The following MBOAT2 variants were observed in gnomAD, a reference collection of about 807,000 sequenced individuals.
The protein encoded by MBOAT2 is membrane bound glycerophospholipid O-acyltransferase 2.
A neutral mutation model predicts 63.4 loss-of-function variants in MBOAT2; 28 were observed. That is an observed-to-expected ratio of 0.44 (90% confidence interval 0.33 to 0.61). MBOAT2 has a LOEUF of 0.61. Among genes scored for constraint, MBOAT2 ranks in the 20% least tolerant of loss-of-function variants. The pLI is 0.03. For synonymous variants in MBOAT2, 211 were observed against 215.6 expected (o/e 0.98, Z 0.19); for missense variants, 470 against 605.8 (o/e 0.78, Z 2.35).
intron 1 of MBOAT2, among the ~76,000 whole-genome samples, chr2:8,981,234 T>C (rs1361972369): frequency 6.6e-6 from 1 of 152,112 alleles, no homozygotes; most frequent in African/African-American, 2.4e-5. Context: ...GTAATGAAAA[T>C]GTTCCAGGTT....
chr2:8,991,935 A>G (rs1454012700), intron 1 of MBOAT2, among the ~76,000 whole-genome samples: 1 of 152,072 alleles, frequency 6.6e-6, no homozygotes, highest in Non-Finnish European at 1.5e-5. Context: ...TGCTGTCCAC[A>G]CCTCAGAAAA....
chr2:8,959,732 G>A (rs925336232), intron 1 of MBOAT2, among the ~76,000 whole-genome samples: 1 of 151,960 alleles, frequency 6.6e-6, no homozygotes, highest in Non-Finnish European at 1.5e-5. Context: ...CAAAGTGCTG[G>A]GATAATAGGC....
rs974382644 is a variant in MBOAT2, at chr2:8,978,273, C to T, written c.76-19631G>A. ...AAGCTGACACTTCCCCACCTCCACA[C>T]ATGGAATGCACACAGATGTTTCACC... is the stretch of plus-strand genomic sequence containing the variant. On this transcript the variant is annotated intron_variant, in intron 1 of 12. Transcript: ENST00000305997. Among the ~76,000 whole-genome samples, 6 of 152,102 alleles carry T rather than the reference C, an allele frequency of 3.9e-5. No homozygotes were observed. The East Asian group carries it at 1.2e-3, about 29-fold the overall frequency.
At chr2:8,920,160 G>A (rs1244219366) in intron 3 of MBOAT2, among the ~76,000 whole-genome samples, 1 of 152,108 alleles carries the variant, frequency 6.6e-6, no homozygotes, top group African/African-American at 2.4e-5. Context: ...GTTGTCTTCT[G>A]AAGTTTTATA....
intron 1 of MBOAT2, among the ~76,000 whole-genome samples, chr2:8,995,707 C>CA (rs1672241407): frequency 2.0e-5 from 3 of 151,458 alleles, no homozygotes; most frequent in Admixed American, 6.6e-5. Flanking sequence ...TCTCCTGCCT[C>CA]AGCCTCCCAA....
At chr2:8,966,379 G>T (rs541044031) in intron 1 of MBOAT2, among the ~76,000 whole-genome samples, 2 of 152,102 alleles carry the variant, frequency 1.3e-5, no homozygotes, top group Admixed American at 6.5e-5. Flanking sequence ...AGTTTCAAGC[G>T]CCCTGTGCTG....
chr2:8,892,133 C>T (rs533131438), intron 4 of MBOAT2, among the ~76,000 whole-genome samples: 1 of 152,260 alleles, frequency 6.6e-6, no homozygotes, highest in East Asian at 1.9e-4. Flanking sequence ...ATAATGAATG[C>T]TAAAAATGAA....
chr2:8,989,944 G>A (rs988495591), intron 1 of MBOAT2, among the ~76,000 whole-genome samples: 11 of 152,170 alleles, frequency 7.2e-5, no homozygotes, highest in African/African-American at 2.7e-4. Context: ...CTACACTCTT[G>A]TGCACACAGA....
At chr2:8,929,025 T>C (rs1167671609) in intron 3 of MBOAT2, among the ~76,000 whole-genome samples, 1 of 151,868 alleles carries the variant, frequency 6.6e-6, no homozygotes, top group African/African-American at 2.4e-5. Context: ...GCCCGCAAAC[T>C]GAAAGAGCGG....
chr2:8,887,543 A>T (rs1243070305), intron 5 of MBOAT2, among the ~76,000 whole-genome samples: 6 of 152,152 alleles, frequency 3.9e-5, no homozygotes, highest in Non-Finnish European at 5.9e-5. Flanking sequence ...AAATCTCACG[A>T]CTCAGAGTCC....
At chr2:8,992,646 C>T (rs1422323992) in intron 1 of MBOAT2, among the ~76,000 whole-genome samples, 1 of 152,202 alleles carries the variant, frequency 6.6e-6, no homozygotes, top group Non-Finnish European at 1.5e-5. Context: ...ATGTATCACC[C>T]TGACCTTCCA....
intron 1 of MBOAT2, among the ~76,000 whole-genome samples, chr2:8,973,815 C>T (rs1178332278): frequency 6.6e-6 from 1 of 152,130 alleles, no homozygotes; most frequent in Non-Finnish European, 1.5e-5. Context: ...GTATTCTGTA[C>T]TGTCAAGTGT....
Position 8,978,176 on chromosome 2 carries a change from G to A in MBOAT2, c.76-19534C>T, listed in dbSNP as rs145503782. ...CCTTCCACCTCTCCAGCCTCATCTC[G>A]CACTGTTTCTCTCACTGGCTATATT... On this transcript the variant is annotated intron_variant, in intron 1 of 12. Transcript: ENST00000305997. 5.9e-5 allele frequency among the ~76,000 whole-genome samples: 9 copies of A among 151,984 alleles called. No homozygotes were observed. In the East Asian group the frequency reaches 1.5e-3, roughly 26 times the overall value.
intron 3 of MBOAT2, among the ~76,000 whole-genome samples, chr2:8,921,507 ATATTTACCCACC>A (rs1666565459): frequency 6.6e-6 from 1 of 152,192 alleles, no homozygotes; most frequent in African/African-American, 2.4e-5. Context: ...ATAGACTTCC[ATATTTACCCACC>A]TATTTACCAT....
In MBOAT2 at chr2:8,938,529, T is replaced by C. The variant is rs574675357; in HGVS notation, c.299+4658A>G. On this transcript the variant is annotated intron_variant, in intron 3 of 12. Coordinates refer to ENST00000305997, the MANE Select transcript of MBOAT2 (RefSeq NM_138799.4). ...CCACATTTTATGCTGCCACGTTTCATGCCGCCACGTTTCATGCCGCCATCT... is the reference window on the plus strand; with the variant it reads ...CCACATTTTATGCTGCCACGTTTCACGCCGCCACGTTTCATGCCGCCATCT... Among the ~76,000 whole-genome samples, 5 of 151,414 alleles carry C rather than the reference T, an allele frequency of 3.3e-5. No homozygotes were observed. In the South Asian group the frequency reaches 8.4e-4, roughly 25 times the overall value.
intron 2 of MBOAT2, among the ~76,000 whole-genome samples, chr2:8,945,726 T>G (rs10170080): frequency 0.02 from 3,069 of 152,122 alleles, 33 homozygotes; most frequent in Middle Eastern, 0.037. Context: ...GCTTTGAAAA[T>G]GAAACAATGC....
intron 1 of MBOAT2, among the ~76,000 whole-genome samples, chr2:8,991,749 A>G (rs910838958): frequency 6.6e-6 from 1 of 152,246 alleles, no homozygotes; most frequent in Non-Finnish European, 1.5e-5. Flanking sequence ...AAAAAGAGAA[A>G]ACTTAAAATT....
At chr2:8,963,403 A>T (rs1229245201) in intron 1 of MBOAT2, among the ~76,000 whole-genome samples, 1 of 152,128 alleles carries the variant, frequency 6.6e-6, no homozygotes, top group Non-Finnish European at 1.5e-5. Context: ...TCCCGGGTTC[A>T]AGTGATTCTC....
chr2:8,875,513 G>C (rs1401707938), intron 7 of MBOAT2, among the ~76,000 whole-genome samples: 1 of 152,146 alleles, frequency 6.6e-6, no homozygotes, highest in Non-Finnish European at 1.5e-5. Flanking sequence ...AAAGTCATTT[G>C]ATCTTCATAC....
Sources: gnomAD v4.1 joint callset for allele counts (sites outside exome capture counted in the v4.1 genomes callset) on GRCh38, gnomAD v4.1.1 for gene constraint, MANE v1.5 for transcripts, NCBI Gene and HGNC (gene_info 2026-07-23, HGNC 2026-07-21) for gene names.